ARID1B: variants seen among roughly 807,000 people sequenced by gnomAD.
The protein encoded by ARID1B is AT-rich interactive domain-containing protein 1B.
Under a neutral mutation model 212.3 loss-of-function variants are expected in ARID1B, and 30 were observed. The observed-to-expected ratio is 0.14, with a 90% CI of 0.11 to 0.19. The LOEUF (loss-of-function observed/expected upper bound fraction) is 0.19. Ranked by LOEUF, ARID1B falls within the 10% of genes least tolerant of loss-of-function variation. The probability of loss-of-function intolerance (pLI) is 1.00; values close to 1 mark genes in which losing one functional copy is unlikely to be tolerated. For synonymous variants in ARID1B, 1,402 were observed against 1,301.7 expected (o/e 1.08, Z -1.66); for missense variants, 2,891 against 3,204.0 (o/e 0.90, Z 2.36).
At chr6:156,932,414 G>A (rs79867888) in intron 3 of ARID1B, among the ~76,000 whole-genome samples, 2,771 of 107,794 alleles carry the variant, frequency 0.026, 89 homozygotes, top group African/African-American at 0.13. Context: ...CCACAATATG[G>A]CATTCTATAC....
At chr6:156,797,970 C>T (rs1236323060) in intron 1 of ARID1B, among the ~76,000 whole-genome samples, 1 of 152,196 alleles carries the variant, frequency 6.6e-6, no homozygotes, top group African/African-American at 2.4e-5. Flanking sequence ...CTGAGGTGAG[C>T]ACTGAGGAAT....
intron 4 of ARID1B, among the ~76,000 whole-genome samples, chr6:157,079,654 G>C (rs1158026185): frequency 6.6e-6 from 1 of 152,230 alleles, no homozygotes; most frequent in East Asian, 1.9e-4. Flanking sequence ...ATAGTTTTCA[G>C]TAGAGCATTT....
chr6:156,793,529 T>G (rs6926092), intron 1 of ARID1B, among the ~76,000 whole-genome samples: 1 of 152,056 alleles, frequency 6.6e-6, no homozygotes, highest in African/African-American at 2.4e-5. Context: ...AGAGATGGGG[T>G]CTCACTGTGT....
chr6:157,017,670 C>T (rs573652068), intron 4 of ARID1B, among the ~76,000 whole-genome samples: 1 of 152,168 alleles, frequency 6.6e-6, no homozygotes, highest in South Asian at 2.1e-4. Context: ...TTCCTGAGAC[C>T]AGACTGCATT....
intron 2 of ARID1B, among the ~76,000 whole-genome samples, chr6:156,864,369 G>T (rs995402840): frequency 1.3e-5 from 2 of 152,096 alleles, no homozygotes; most frequent in African/African-American, 4.8e-5. Flanking sequence ...TCTCCCCTGG[G>T]CTCTTGGCTT....
chr6:157,066,276 A>G (rs553381108), intron 4 of ARID1B, among the ~76,000 whole-genome samples: 5 of 152,356 alleles, frequency 3.3e-5, no homozygotes, highest in Admixed American at 2.6e-4. Context: ...TTGCTTTCAA[A>G]ATCAGTTACT....
intron 4 of ARID1B, among the ~76,000 whole-genome samples, chr6:157,010,210 T>A (rs1779488790): frequency 1.3e-5 from 2 of 152,038 alleles, no homozygotes; most frequent in African/African-American, 2.4e-5. Context: ...AGGGCCGAGC[T>A]ATTATTTACT....
intron 15 of ARID1B, among the ~76,000 whole-genome samples, chr6:157,192,736 C>T (rs562734691): frequency 1.1e-4 from 16 of 152,330 alleles, no homozygotes; most frequent in African/African-American, 3.6e-4. Context: ...TTTCAGTTCA[C>T]CTGCTGCCTT....
intron 4 of ARID1B, among the ~76,000 whole-genome samples, chr6:156,944,604 T>G (rs1266237108): frequency 6.6e-6 from 1 of 152,162 alleles, no homozygotes; most frequent in East Asian, 1.9e-4. Context: ...ATGCAAAGGC[T>G]AATGCCAACC....
intron 4 of ARID1B, among the ~76,000 whole-genome samples, chr6:156,972,653 A>G (rs6940739): frequency 0.19 from 29,540 of 152,066 alleles, 3,168 homozygotes; most frequent in East Asian, 0.41. Flanking sequence ...TTTCTGTCTC[A>G]CCTTTTCAGT....
intron 4 of ARID1B, among the ~76,000 whole-genome samples, chr6:157,067,812 C>T (rs1472459517): frequency 1.3e-5 from 2 of 151,906 alleles, no homozygotes; most frequent in Non-Finnish European, 2.9e-5. Flanking sequence ...CCCTTTTTTC[C>T]GCCTTTTCTT....
At position 156,778,595 on chromosome 6, in the gene ARID1B, C is replaced by A. The variant is rs1467046995; in HGVS notation, c.915C>A (p.Gly305=). ...CGGTCGCCGTGCCCGGGGGCGGCGG[C>A]GGCCCGGCGGCCGTCCCGGAGTTTA... ...QPPVAVPGGG[G]GPAAVPEFNN... Residue 305 remains glycine (G), a synonymous_variant, in exon 1 of 20, where the codon GGC becomes GGA. Transcript: ENST00000636930. The A allele has an allele frequency of 1.3e-5, 17 of 1,285,674 alleles. No homozygotes were observed. Among genetic ancestry groups the A allele is most frequent in the Non-Finnish European group, 1.7e-5 (17 of 1,018,714 alleles). 79.6% of individuals were successfully genotyped at this position (1,285,674 alleles called of 1,614,324 possible).
At position 157,145,769 on chromosome 6, in the gene ARID1B, G is replaced by GT. The variant is rs537799777; in HGVS notation, c.2762-2853dup. On this transcript the variant is annotated intron_variant, in intron 7 of 19. Coordinates refer to ENST00000636930, the MANE Select transcript of ARID1B (RefSeq NM_001374828.1). Reference sequence around the variant, plus strand: ...CCTGGGCTCAGACCTTAGTCCTCCAGTTGTGAGCCACGTGACCATGGGACA... The same window carrying GT: ...CCTGGGCTCAGACCTTAGTCCTCCAGTTTGTGAGCCACGTGACCATGGGACA... 6.2e-3 allele frequency among the ~76,000 whole-genome samples: 944 copies of GT among 152,296 alleles called. 12 individuals are homozygous for GT. The highest frequency in any genetic ancestry group is 0.022 in the African/African-American group (905 of 41,550).
intron 4 of ARID1B, among the ~76,000 whole-genome samples, chr6:156,963,201 T>G (rs1276053596): frequency 1.3e-5 from 2 of 152,346 alleles, no homozygotes; most frequent in East Asian, 3.9e-4. Flanking sequence ...TGTTGCATTT[T>G]TGCATCAAGT....
At chr6:157,050,878 C>T (rs1313149312) in intron 4 of ARID1B, among the ~76,000 whole-genome samples, 1 of 152,140 alleles carries the variant, frequency 6.6e-6, no homozygotes, top group Admixed American at 6.5e-5. Flanking sequence ...AAATATTTCC[C>T]ATTCACACAT....
At chr6:156,916,640 TC>T (rs1021624205) in intron 3 of ARID1B, among the ~76,000 whole-genome samples, 1 of 152,142 alleles carries the variant, frequency 6.6e-6, no homozygotes, top group Non-Finnish European at 1.5e-5. Context: ...GCCTTATGTT[TC>T]CCCGTTGTCA....
At chr6:156,926,217 CAAG>C (rs137873634) in intron 3 of ARID1B, among the ~76,000 whole-genome samples, 245 of 152,178 alleles carry the variant, frequency 1.6e-3, no homozygotes, top group African/African-American at 5.1e-3. Flanking sequence ...ACTGAGTCAA[CAAG>C]AAGAGCAGGT....
At chr6:157,193,494 CTG>C (rs1316501036) in intron 15 of ARID1B, 2 of 152,122 alleles carry the variant, frequency 1.3e-5, no homozygotes, top group Non-Finnish European at 2.9e-5. Flanking sequence ...GTTCTTCGCT[CTG>C]TGTGTCATGT....
rs549673638 is a variant in ARID1B at position 157,190,591 on chromosome 6, G to A, written c.4231+381G>A. ...GCTCAGAGAAGAGTGGCTGGCAGCC[G>A]CGGTAAGTAAGCACGCACTTCACGG... On this transcript the variant is annotated intron_variant, in intron 15 of 19. Transcript: ENST00000636930. The surrounding 1 kb of genome is among the most constrained non-coding windows in gnomAD (Gnocchi z 4.6). Among the ~76,000 whole-genome samples, 5 of 152,232 alleles carry A rather than the reference G, an allele frequency of 3.3e-5. No homozygotes were observed. Among genetic ancestry groups the A allele is most frequent in the East Asian group, 1.9e-4 (1 of 5,194 alleles).
Sources: allele counts gnomAD v4.1 joint callset (sites outside exome capture counted in the v4.1 genomes callset), GRCh38; gene constraint gnomAD v4.1.1; non-coding constraint Gnocchi (gnomAD v3.1); transcripts MANE v1.5; gene names NCBI Gene and HGNC (gene_info 2026-07-23, HGNC 2026-07-21).